CNTNAP2: variants seen among roughly 807,000 people sequenced by gnomAD.
CNTNAP2 encodes the protein contactin-associated protein-like 2.
CNTNAP2 carries 98 observed loss-of-function variants against 155.2 expected under a neutral mutation model. That is an observed-to-expected ratio of 0.63 (90% confidence interval 0.54 to 0.75). The LOEUF is 0.75. Ranked by LOEUF, CNTNAP2 falls within the 30% of genes least tolerant of loss-of-function variation. The pLI is 0.00. For synonymous variants in CNTNAP2, 651 were observed against 631.2 expected (o/e 1.03, Z -0.47); for missense variants, 1,727 against 1,688.1 (o/e 1.02, Z -0.40).
intron 8 of CNTNAP2, among the ~76,000 whole-genome samples, chr7:147,259,693 G>T (rs1304787595): frequency 2.0e-5 from 3 of 152,182 alleles, no homozygotes; most frequent in Non-Finnish European, 4.4e-5. Flanking sequence ...AAAGACAAGA[G>T]CATCGTCTTA....
At chr7:147,112,032 G>C (rs574954660) in intron 5 of CNTNAP2, among the ~76,000 whole-genome samples, 1 of 152,146 alleles carries the variant, frequency 6.6e-6, no homozygotes, top group Admixed American at 6.5e-5. Context: ...CCATTTATTT[G>C]TGTCATCTCT....
intron 12 of CNTNAP2, among the ~76,000 whole-genome samples, chr7:147,608,583 T>C (rs1311645507): frequency 6.6e-6 from 1 of 152,112 alleles, no homozygotes; most frequent in Non-Finnish European, 1.5e-5. Context: ...ATAATAGGTA[T>C]CAGCCACCAC....
chr7:147,919,459 C>CTTTCTTTTGTTTTTTTTTTTTTTTTTTTT (rs58537091), intron 14 of CNTNAP2, among the ~76,000 whole-genome samples: 1 of 51,240 alleles, frequency 2.0e-5, no homozygotes. Context: ...CTTTTTCTTT[C>CTTTCTTTTGTTTTTTTTTTTTTTTTTTTT]TTTTTTTTTT....
intron 8 of CNTNAP2, among the ~76,000 whole-genome samples, chr7:147,291,575 A>G (rs959175713): frequency 2.6e-5 from 4 of 152,146 alleles, no homozygotes; most frequent in African/African-American, 9.7e-5. Flanking sequence ...CCAATTTGCA[A>G]CTGTCATGAA....
chr7:147,601,771 T>G (rs1276579682), intron 12 of CNTNAP2, among the ~76,000 whole-genome samples: 1 of 151,606 alleles, frequency 6.6e-6, no homozygotes, highest in Non-Finnish European at 1.5e-5. Context: ...GTCCTGTAAT[T>G]TTTTTATGTA....
chr7:147,473,140 G>A (rs1243131168), intron 10 of CNTNAP2, among the ~76,000 whole-genome samples: 1 of 152,172 alleles, frequency 6.6e-6, no homozygotes, highest in Non-Finnish European at 1.5e-5. Context: ...AGCTTTTGTG[G>A]ACAGATGAGA....
At chr7:147,480,414 A>G (rs1171406847) in intron 10 of CNTNAP2, among the ~76,000 whole-genome samples, 1 of 152,196 alleles carries the variant, frequency 6.6e-6, no homozygotes, top group Non-Finnish European at 1.5e-5. Context: ...GCACTGTTAT[A>G]TGTATGTGGT....
Position 147,000,043 on chromosome 7 carries a change from G to A in CNTNAP2, c.403-43864G>A, listed in dbSNP as rs536177328. On this transcript the variant is annotated intron_variant, in intron 3 of 23. Transcript: ENST00000361727. ...TAAGGTTATCCCAGAAATCCTGTAG[G>A]CTTTCTGCATTTTCTTTATTTTTAT... Among the ~76,000 whole-genome samples the A allele has an allele frequency of 3.3e-5, 5 of 151,728 alleles. 1 individual carries two copies. The highest frequency in any genetic ancestry group is 1.2e-4 in the African/African-American group (5 of 41,408).
chr7:146,550,410 T>TTG (rs1554447401), intron 1 of CNTNAP2, among the ~76,000 whole-genome samples: 2 of 114,016 alleles, frequency 1.8e-5, no homozygotes, highest in East Asian at 4.5e-4. Context: ...TGTTTTTTTT[T>TTG]TTTTTTTTTT....
At chr7:146,789,939 A>T (rs1225747725) in intron 2 of CNTNAP2, among the ~76,000 whole-genome samples, 1 of 151,190 alleles carries the variant, frequency 6.6e-6, no homozygotes, top group African/African-American at 2.4e-5. Flanking sequence ...AGATGAGAAC[A>T]ATCTGGCATC....
At chr7:146,642,873 T>C (rs1799736306) in intron 1 of CNTNAP2, among the ~76,000 whole-genome samples, 1 of 152,044 alleles carries the variant, frequency 6.6e-6, no homozygotes, top group East Asian at 1.9e-4. Flanking sequence ...AGATGGTATC[T>C]CGTTGTGGTT....
At chr7:146,874,587 C>T (rs1325387590) in intron 3 of CNTNAP2, among the ~76,000 whole-genome samples, 1 of 152,182 alleles carries the variant, frequency 6.6e-6, no homozygotes, top group Non-Finnish European at 1.5e-5. Flanking sequence ...GATCCGCCCA[C>T]CGTGGCCTCC....
intron 1 of CNTNAP2, among the ~76,000 whole-genome samples, chr7:146,565,134 AAC>A (rs911705646): frequency 6.6e-6 from 1 of 151,658 alleles, no homozygotes; most frequent in African/African-American, 2.4e-5. Context: ...TGTAAAGTTA[AAC>A]ACACACACAC....
In CNTNAP2 at chr7:147,486,642, T is replaced by A. The variant is rs141702631; in HGVS notation, c.1777+601T>A. Among the ~76,000 whole-genome samples, 856 of 152,270 alleles carry A rather than the reference T, an allele frequency of 5.6e-3. 4 individuals are homozygous for A. The highest frequency in any genetic ancestry group is 0.011 in the Admixed American group (175 of 15,288). The stretch of plus-strand genomic sequence containing the variant: ...ATAAAAAGTAACATGCAAAAATGAC[T>A]AGGAAAACACATATGTGCCTTGGTT... On this transcript the variant is annotated intron_variant, in intron 11 of 23. Coordinates refer to ENST00000361727, the MANE Select transcript of CNTNAP2 (RefSeq NM_014141.6).
chr7:147,999,479 TAATA>T (rs1476017892), intron 15 of CNTNAP2, among the ~76,000 whole-genome samples: 1 of 152,252 alleles, frequency 6.6e-6, no homozygotes, highest in Non-Finnish European at 1.5e-5. Flanking sequence ...TTACTATTTT[TAATA>T]AATCTGTAAA....
intron 13 of CNTNAP2, chr7:147,831,888 G>A (rs977794943): frequency 6.6e-6 from 1 of 151,930 alleles, no homozygotes; most frequent in Non-Finnish European, 1.5e-5. Flanking sequence ...GGAACACAAA[G>A]GATAAATGCT....
At chr7:146,449,298 T>C (rs1390260754) in intron 1 of CNTNAP2, among the ~76,000 whole-genome samples, 3 of 152,148 alleles carry the variant, frequency 2.0e-5, no homozygotes, top group Non-Finnish European at 4.4e-5. Flanking sequence ...GATAATCCCA[T>C]CTTCTGTGTC....
intron 1 of CNTNAP2, among the ~76,000 whole-genome samples, chr7:146,218,370 G>A (rs1188736802): frequency 1.3e-5 from 2 of 152,042 alleles, no homozygotes; most frequent in South Asian, 2.1e-4. Context: ...TTAGCCGGGC[G>A]TGGTGGCGGG....
Position 147,532,096 on chromosome 7 carries a change from C to T in CNTNAP2, c.1778-30042C>T, listed in dbSNP as rs888845108. On this transcript the variant is annotated intron_variant, in intron 11 of 23. Coordinates refer to ENST00000361727, the MANE Select transcript of CNTNAP2 (RefSeq NM_014141.6). ...TGCTGGGATTACAGGCATGAGCCAC[C>T]ATGCCCGGCCAGGTTTTTCTTTTCT... Among the ~76,000 whole-genome samples the T allele has an allele frequency of 1.1e-4, 16 of 152,270 alleles. No homozygotes were observed. In the East Asian group the frequency reaches 3.1e-3, roughly 29 times the overall value.
Sources: allele counts gnomAD v4.1 joint callset (sites outside exome capture counted in the v4.1 genomes callset), GRCh38; gene constraint gnomAD v4.1.1; transcripts MANE v1.5; gene names NCBI Gene and HGNC (gene_info 2026-07-23, HGNC 2026-07-21).